Variants in SMOC1 observed in about 807,000 individuals in gnomAD.
The protein encoded by SMOC1 is SPARC related modular calcium binding 1, also known as SPARC-related modular calcium-binding protein 1.
In SMOC1, 22 loss-of-function variants were observed where a neutral mutation model predicts 56.3. The ratio of observed to expected loss-of-function variants is 0.39; its 90% CI spans 0.28 to 0.56. SMOC1 has a LOEUF of 0.56. Ranked by LOEUF, SMOC1 falls within the 20% of genes least tolerant of loss-of-function variation. The pLI is 0.61. For synonymous variants in SMOC1, 193 were observed against 215.0 expected (o/e 0.90, Z 0.89); for missense variants, 509 against 565.4 (o/e 0.90, Z 1.01).
At chr14:70,013,531 T>C (rs1022681071) in intron 10 of SMOC1, 40 bp downstream of exon 10, 3 of 1,579,504 alleles carry the variant, frequency 1.9e-6, no homozygotes, top group Middle Eastern at 1.8e-4. Context: ...GAGAAAAATG[T>C]GGGGCCCCTG....
chr14:70,012,730 G>C (rs774857475), intron 9 of SMOC1, among the ~76,000 whole-genome samples: 1 of 152,212 alleles, frequency 6.6e-6, no homozygotes, highest in East Asian at 1.9e-4. Context: ...CCCCAGCTAC[G>C]TGGTGTAGAC....
intron 3 of SMOC1, among the ~76,000 whole-genome samples, chr14:69,961,318 A>ATATATC (rs1594825034): frequency 1.7e-5 from 2 of 114,372 alleles, no homozygotes; most frequent in South Asian, 2.8e-4. Flanking sequence ...ATATATATAT[A>ATATATC]TCCTGTTTTA....
At chr14:70,023,141 G>A (rs1885790642) in intron 10 of SMOC1, 62 bp from the exon 11 acceptor site, 2 of 1,612,314 alleles carry the variant, frequency 1.2e-6, no homozygotes, top group Admixed American at 1.7e-5. Context: ...TACCAGGGCT[G>A]ATGGTTCCTG....
At chr14:69,920,630 A>G (rs1884813224) in intron 1 of SMOC1, among the ~76,000 whole-genome samples, 1 of 152,224 alleles carries the variant, frequency 6.6e-6, no homozygotes, top group African/African-American at 2.4e-5. Flanking sequence ...GACAACTGCA[A>G]AAACAGTTGC....
intron 1 of SMOC1, among the ~76,000 whole-genome samples, chr14:69,926,570 G>C (rs567866189): frequency 6.6e-6 from 1 of 152,372 alleles, no homozygotes; most frequent in Non-Finnish European, 1.5e-5. Context: ...GGGCTCTGCA[G>C]AGGATCAAGT....
intron 3 of SMOC1, among the ~76,000 whole-genome samples, chr14:69,971,935 C>T (rs1236837289): frequency 6.6e-6 from 1 of 152,148 alleles, no homozygotes; most frequent in Non-Finnish European, 1.5e-5. Context: ...TAATCTGGCT[C>T]TGGCATTTTT....
At chr14:69,932,948 T>G (rs1885205328) in intron 1 of SMOC1, among the ~76,000 whole-genome samples, 1 of 152,094 alleles carries the variant, frequency 6.6e-6, no homozygotes, top group African/African-American at 2.4e-5. Context: ...GTTTTAAAAT[T>G]TCTTGAAGAC....
chr14:69,996,093 A>G (rs1474299020), intron 7 of SMOC1, among the ~76,000 whole-genome samples: 1 of 152,240 alleles, frequency 6.6e-6, no homozygotes, highest in Non-Finnish European at 1.5e-5. Flanking sequence ...GAATTATAAC[A>G]TACAGCACTT....
chr14:69,957,451 G>A (rs1304252516), intron 3 of SMOC1, among the ~76,000 whole-genome samples: 1 of 152,164 alleles, frequency 6.6e-6, no homozygotes, highest in Non-Finnish European at 1.5e-5. Flanking sequence ...ACTCAAGCCT[G>A]CCTAATATTG....
chr14:69,969,973 C>G (rs1009592598), intron 3 of SMOC1, among the ~76,000 whole-genome samples: 2 of 152,120 alleles, frequency 1.3e-5, no homozygotes, highest in Admixed American at 6.6e-5. Flanking sequence ...CTGGTTTCCT[C>G]TCTGGTTTCC....
At chr14:70,027,464 G>A (rs1320729651) in intron 11 of SMOC1, among the ~76,000 whole-genome samples, 1 of 152,136 alleles carries the variant, frequency 6.6e-6, no homozygotes, top group African/African-American at 2.4e-5. Context: ...GGGTGAGGGT[G>A]CCACCAGCAA....
intron 3 of SMOC1, among the ~76,000 whole-genome samples, chr14:69,955,681 C>T (rs1382238548): frequency 1.8e-4 from 21 of 114,628 alleles, no homozygotes; most frequent in African/African-American, 1.3e-4. Context: ...ACCACTATAC[C>T]GCTTAAGAAA....
chr14:69,943,042 G>A (rs1011951109), intron 1 of SMOC1, among the ~76,000 whole-genome samples: 3 of 152,122 alleles, frequency 2.0e-5, no homozygotes, highest in African/African-American at 4.8e-5. Flanking sequence ...GAAGTCGGGT[G>A]GGTGGGGTGA....
At position 69,953,489 on chromosome 14, in the gene SMOC1, C is replaced by A. The variant is rs1407861164; in HGVS notation, c.335C>A (p.Ala112Asp). 6.2e-7 allele frequency: 1 copy of A among 1,614,268 alleles called. No homozygotes were observed. The highest frequency in any genetic ancestry group is 1.3e-5 in the African/African-American group (1 of 75,080). Residue 112 changes from alanine to aspartate, a missense_variant, in exon 3 of 12, where the codon GCT becomes GAT. Transcript: ENST00000361956. ...GAGCAAGCCAAGAAGCCTCAGGAAG[C>A]TGTGTTTGTCCCAGAGTGTGGCGAG... ...ALEQAKKPQEAVFVPECGEDG... is the reference protein window; with the variant it reads ...ALEQAKKPQEDVFVPECGEDG...
intron 7 of SMOC1, among the ~76,000 whole-genome samples, chr14:69,999,505 G>T (rs941275391): frequency 6.6e-6 from 1 of 152,198 alleles, no homozygotes; most frequent in Non-Finnish European, 1.5e-5. Context: ...ATCCACTAAC[G>T]TTAGCAGCCG....
At chr14:69,973,584 G>C (rs1466302175) in intron 3 of SMOC1, among the ~76,000 whole-genome samples, 2 of 152,210 alleles carry the variant, frequency 1.3e-5, no homozygotes, top group African/African-American at 4.8e-5. Context: ...CTGGGGTAAA[G>C]GCATTGACCA....
chr14:70,000,046 AAG>A (rs1884909290), intron 7 of SMOC1, among the ~76,000 whole-genome samples: 1 of 152,174 alleles, frequency 6.6e-6, no homozygotes, highest in Non-Finnish European at 1.5e-5. Flanking sequence ...ACTGAAATTG[AAG>A]ATCTTGCCCA....
intron 7 of SMOC1, among the ~76,000 whole-genome samples, chr14:69,998,707 A>G (rs1884862712): frequency 6.6e-6 from 1 of 152,116 alleles, no homozygotes; most frequent in African/African-American, 2.4e-5. Context: ...AAATATCTTC[A>G]TGCACTTCTC....
At chr14:69,910,358 A>G (rs191540801) in intron 1 of SMOC1, among the ~76,000 whole-genome samples, 17 of 152,354 alleles carry the variant, frequency 1.1e-4, no homozygotes, top group Admixed American at 3.3e-4. Context: ...TGCTGCCTTA[A>G]TAGCACAGCA....
Sources: allele counts gnomAD v4.1 joint callset (sites outside exome capture counted in the v4.1 genomes callset), GRCh38; gene constraint gnomAD v4.1.1; transcripts MANE v1.5; gene names NCBI Gene and HGNC (gene_info 2026-07-23, HGNC 2026-07-21).